The following GRIA1 variants were observed in gnomAD, a reference collection of about 807,000 sequenced individuals.
GRIA1 encodes glutamate receptor 1.
A neutral mutation model predicts 99.2 loss-of-function variants in GRIA1; 31 were observed. The ratio of observed to expected loss-of-function variants is 0.31; its 90% CI spans 0.23 to 0.42. The LOEUF is 0.42. Among genes scored for constraint, GRIA1 ranks in the 10% least tolerant of loss-of-function variants. The pLI is 1.00. For missense variants in GRIA1, 782 were observed against 1,157.5 expected (o/e 0.68, Z 4.71); for synonymous variants, 438 against 432.4 (o/e 1.01, Z -0.16).
chr5:153,492,752 G>A (rs796589440), intron 1 of GRIA1, among the ~76,000 whole-genome samples: 12 of 151,834 alleles, frequency 7.9e-5, no homozygotes, highest in African/African-American at 1.2e-4. Flanking sequence ...GCCCTAACTT[G>A]GTTGTTCAAC....
chr5:153,522,442 A>G (rs1581169937), intron 2 of GRIA1, among the ~76,000 whole-genome samples: 1 of 152,350 alleles, frequency 6.6e-6, no homozygotes. Flanking sequence ...GCTCATATTC[A>G]TAATGAGTAA....
chr5:153,610,979 A>T (rs1765932779), intron 2 of GRIA1, among the ~76,000 whole-genome samples: 1 of 152,160 alleles, frequency 6.6e-6, no homozygotes, highest in African/African-American at 2.4e-5. Flanking sequence ...AACCTGGTGG[A>T]TGGTTCAAAC....
intron 2 of GRIA1, among the ~76,000 whole-genome samples, chr5:153,558,758 G>C (rs1416982357): frequency 1.3e-5 from 2 of 152,100 alleles, no homozygotes; most frequent in African/African-American, 2.4e-5. Context: ...ATATTATGGG[G>C]AGTGGGCTTA....
At chr5:153,735,946 C>A (rs1208435029) in intron 11 of GRIA1, among the ~76,000 whole-genome samples, 1 of 152,092 alleles carries the variant, frequency 6.6e-6, no homozygotes, top group Non-Finnish European at 1.5e-5. Context: ...GTCCATTAGA[C>A]ATACAAAAGG....
chr5:153,554,933 T>C (rs1760484593), intron 2 of GRIA1, among the ~76,000 whole-genome samples: 1 of 152,170 alleles, frequency 6.6e-6, no homozygotes, highest in Non-Finnish European at 1.5e-5. Flanking sequence ...CTGAATCAAA[T>C]ACTGCAGCCT....
chr5:153,635,595 G>C (rs1367373425), intron 2 of GRIA1, among the ~76,000 whole-genome samples: 2 of 152,106 alleles, frequency 1.3e-5, no homozygotes. Flanking sequence ...TGTGGCCCCT[G>C]AACCTAACCC....
chr5:153,535,042 C>T (rs1561619838), intron 2 of GRIA1, among the ~76,000 whole-genome samples: 2 of 152,128 alleles, frequency 1.3e-5, no homozygotes, highest in Admixed American at 6.6e-5. Context: ...CTGCCACAGC[C>T]TCCTGAGTAG....
Position 153,756,996 on chromosome 5 carries a change from T to C in GRIA1, c.1824-7438T>C, listed in dbSNP as rs114785429. 4.1e-3 allele frequency among the ~76,000 whole-genome samples: 623 copies of C among 152,116 alleles called. 7 individuals are homozygous for C. Among genetic ancestry groups the C allele is most frequent in the African/African-American group, 0.014 (598 of 41,492 alleles). ...ACACCAATGAGGGACCCTAAAGAGA[T>C]GGAAATATATGATCTGTTGGACAAG... On this transcript the variant is annotated intron_variant, in intron 11 of 15. Coordinates refer to ENST00000285900, the MANE Select transcript of GRIA1 (RefSeq NM_000827.4).
chr5:153,796,068 C>T (rs1247268790), intron 14 of GRIA1, among the ~76,000 whole-genome samples: 1 of 147,212 alleles, frequency 6.8e-6, no homozygotes, highest in Non-Finnish European at 1.5e-5. Context: ...TGATCCCTCA[C>T]CTTTATTTTA....
chr5:153,737,522 G>A (rs773580934), intron 11 of GRIA1, among the ~76,000 whole-genome samples: 5 of 152,038 alleles, frequency 3.3e-5, no homozygotes, highest in South Asian at 2.1e-4. Flanking sequence ...TCTAAAACTG[G>A]CTAGAACATT....
chr5:153,661,703 G>C (rs1052215531), intron 5 of GRIA1, among the ~76,000 whole-genome samples: 5 of 152,164 alleles, frequency 3.3e-5, no homozygotes, highest in Non-Finnish European at 5.9e-5. Flanking sequence ...TGAATTCCTA[G>C]AAAATAATGT....
chr5:153,726,916 G>A lies in GRIA1; in HGVS notation c.1823+20849G>A, dbSNP rs907743836. ...CAAGCATCATCCTGATATCAAAGCC[G>A]GGCAGAGACACAACCAAAAAAGAGA... On this transcript the variant is annotated intron_variant, in intron 11 of 15. Coordinates refer to ENST00000285900, the MANE Select transcript of GRIA1 (RefSeq NM_000827.4). 2.0e-4 allele frequency among the ~76,000 whole-genome samples: 31 copies of A among 152,068 alleles called. 1 individual carries two copies. Among genetic ancestry groups the A allele is most frequent in the Middle Eastern group, 3.2e-3 (1 of 316 alleles).
chr5:153,585,864 A>G (rs1763439881), intron 2 of GRIA1, among the ~76,000 whole-genome samples: 1 of 152,170 alleles, frequency 6.6e-6, no homozygotes, highest in African/African-American at 2.4e-5. Context: ...GATAGTCACT[A>G]TCTCTTAACA....
chr5:153,697,887 C>T (rs929669246), intron 8 of GRIA1, among the ~76,000 whole-genome samples, 157 bp from the exon 9 acceptor site: 4 of 152,156 alleles, frequency 2.6e-5, no homozygotes, highest in Admixed American at 6.5e-5. Context: ...CACTGTGCTT[C>T]TTATTATTTC....
At chr5:153,740,630 A>G (rs1761715185) in intron 11 of GRIA1, among the ~76,000 whole-genome samples, 1 of 152,250 alleles carries the variant, frequency 6.6e-6, no homozygotes, top group East Asian at 1.9e-4. Context: ...TGTGGTTGTC[A>G]TGAAAGTTGT....
chr5:153,708,693 G>A (rs1269817529), intron 11 of GRIA1, among the ~76,000 whole-genome samples: 6 of 152,112 alleles, frequency 3.9e-5, no homozygotes, highest in African/African-American at 1.4e-4. Context: ...TGGAAGAAAC[G>A]ATGCCACTGT....
At chr5:153,727,383 C>A (rs1200194916) in intron 11 of GRIA1, among the ~76,000 whole-genome samples, 2 of 152,050 alleles carry the variant, frequency 1.3e-5, no homozygotes, top group Non-Finnish European at 2.9e-5. Context: ...AAGTTCTGGC[C>A]AGGGCAATTA....
At chr5:153,672,225 T>A (rs552925084) in intron 5 of GRIA1, among the ~76,000 whole-genome samples, 1 of 152,360 alleles carries the variant, frequency 6.6e-6, no homozygotes, top group Non-Finnish European at 1.5e-5. Context: ...ACTTATCTAC[T>A]GACTCTTCAT....
At chr5:153,655,747 C>T (rs1046699018) in intron 4 of GRIA1, 72 bp from the exon 5 acceptor site, 27 of 1,279,644 alleles carry the variant, frequency 2.1e-5, no homozygotes, top group South Asian at 1.8e-4. Context: ...TATCAGCTGC[C>T]GTTATTACTG....
Sources: allele counts gnomAD v4.1 joint callset (sites outside exome capture counted in the v4.1 genomes callset), GRCh38; gene constraint gnomAD v4.1.1; transcripts MANE v1.5; gene names NCBI Gene and HGNC (gene_info 2026-07-23, HGNC 2026-07-21).